The following NELL1 variants were observed in gnomAD, a reference collection of about 807,000 sequenced individuals.
The protein encoded by NELL1 is protein kinase C-binding protein NELL1.
A neutral mutation model predicts 107.4 loss-of-function variants in NELL1; 76 were observed. The observed-to-expected ratio is 0.71, with a 90% CI of 0.59 to 0.86. The LOEUF (loss-of-function observed/expected upper bound fraction) is 0.86, where lower values mean the gene tolerates loss of function less well. NELL1 is among the 40% of genes least tolerant of loss of function. NELL1 has a pLI of 0.00. For synonymous variants in NELL1, 353 were observed against 341.2 expected (o/e 1.03, Z -0.38); for missense variants, 1,024 against 1,005.5 (o/e 1.02, Z -0.25).
intron 14 of NELL1, among the ~76,000 whole-genome samples, chr11:21,309,553 T>C (rs536629009): frequency 6.6e-6 from 1 of 151,876 alleles, no homozygotes; most frequent in Non-Finnish European, 1.5e-5. Context: ...ACTAACTTAT[T>C]CTTCATTCCA....
chr11:20,945,783 G>C (rs1361816692), intron 10 of NELL1, among the ~76,000 whole-genome samples: 2 of 152,162 alleles, frequency 1.3e-5, no homozygotes, highest in African/African-American at 4.8e-5. Context: ...GCTAATTTTT[G>C]AGGTTAGATA....
intron 2 of NELL1, among the ~76,000 whole-genome samples, chr11:20,757,140 G>T (rs1856314235): frequency 2.7e-5 from 4 of 148,280 alleles, no homozygotes; most frequent in South Asian, 2.2e-4. Flanking sequence ...CTTTTCTCTG[G>T]CTTCATTTTC....
At chr11:21,239,687 C>T (rs1456043590) in intron 14 of NELL1, among the ~76,000 whole-genome samples, 2 of 152,010 alleles carry the variant, frequency 1.3e-5, no homozygotes, top group African/African-American at 4.8e-5. Context: ...TTTTTCTCCA[C>T]TTCTACACAT....
chr11:21,415,226 T>C (rs1852484616), intron 15 of NELL1, among the ~76,000 whole-genome samples: 1 of 152,060 alleles, frequency 6.6e-6, no homozygotes, highest in South Asian at 2.1e-4. Flanking sequence ...TAGCAACTTA[T>C]AAAAGAAAGA....
chr11:21,216,578 C>T (rs1359021198), intron 13 of NELL1, among the ~76,000 whole-genome samples: 1 of 152,174 alleles, frequency 6.6e-6, no homozygotes, highest in East Asian at 1.9e-4. Context: ...TCAGCATGCC[C>T]TGGATGTGAG....
chr11:21,511,380 A>G lies in NELL1; in HGVS notation c.1646-22994A>G, dbSNP rs780759745. ...CTCAGCAAGGGGTAAGTAATGCTCC[A>G]GAGAAGCGCCCTCCACTAAGCCTGC... On this transcript the variant is annotated intron_variant, in intron 15 of 19. Coordinates refer to ENST00000357134, the MANE Select transcript of NELL1 (RefSeq NM_006157.5). 5.6e-4 allele frequency among the ~76,000 whole-genome samples: 85 copies of G among 152,300 alleles called. No homozygotes were observed. The Middle Eastern group carries it at 0.01, about 18-fold the overall frequency.
At chr11:21,308,237 G>A (rs1849652139) in intron 14 of NELL1, among the ~76,000 whole-genome samples, 1 of 152,016 alleles carries the variant, frequency 6.6e-6, no homozygotes, top group Non-Finnish European at 1.5e-5. Context: ...ATAGTAGAAA[G>A]CTATTAAAGA....
intron 15 of NELL1, among the ~76,000 whole-genome samples, chr11:21,489,096 C>T (rs950752213): frequency 6.6e-6 from 1 of 151,720 alleles, no homozygotes; most frequent in Non-Finnish European, 1.5e-5. Context: ...AAAAAGGAGA[C>T]TTTACAAGTG....
intron 9 of NELL1, among the ~76,000 whole-genome samples, chr11:20,930,409 A>G (rs1300295035): frequency 6.6e-6 from 1 of 152,174 alleles, no homozygotes; most frequent in Non-Finnish European, 1.5e-5. Flanking sequence ...TTCTGCATAA[A>G]TGTCATTTTC....
intron 2 of NELL1, among the ~76,000 whole-genome samples, chr11:20,685,057 T>C (rs1854275668): frequency 1.3e-5 from 2 of 152,114 alleles, no homozygotes; most frequent in South Asian, 4.1e-4. Context: ...TGCTGCTATC[T>C]TCTCTTGTGT....
intron 15 of NELL1, among the ~76,000 whole-genome samples, chr11:21,380,090 G>A (rs948669751): frequency 6.6e-6 from 1 of 152,042 alleles, no homozygotes; most frequent in African/African-American, 2.4e-5. Flanking sequence ...TAGCAGACAG[G>A]AGAATTATTT....
chr11:21,148,310 A>T (rs1453994), intron 13 of NELL1, among the ~76,000 whole-genome samples: 20,351 of 152,204 alleles, frequency 0.13, 1,405 homozygotes, highest in Non-Finnish European at 0.16. Flanking sequence ...GAAATTGCAC[A>T]ACCTCACCTG....
chr11:21,459,054 G>A (rs1345598605), intron 15 of NELL1, among the ~76,000 whole-genome samples: 2 of 152,092 alleles, frequency 1.3e-5, no homozygotes, highest in South Asian at 4.1e-4. Flanking sequence ...GAAAATGGTG[G>A]ATGTGAGATT....
At chr11:20,831,617 G>T (rs1221739795) in intron 3 of NELL1, among the ~76,000 whole-genome samples, 1 of 152,140 alleles carries the variant, frequency 6.6e-6, no homozygotes, top group African/African-American at 2.4e-5. Context: ...GCTTTCTAGG[G>T]TTTTATTGAC....
chr11:21,206,366 A>T (rs1857390005), intron 13 of NELL1, among the ~76,000 whole-genome samples: 1 of 152,132 alleles, frequency 6.6e-6, no homozygotes, highest in Non-Finnish European at 1.5e-5. Context: ...TTTAGGGCCC[A>T]TACTAATCCC....
intron 15 of NELL1, chr11:21,383,958 A>G (rs569262330): frequency 2.6e-5 from 4 of 152,046 alleles, no homozygotes; most frequent in South Asian, 2.1e-4. Context: ...ATGGCAAACT[A>G]TAATCTTTCA....
intron 5 of NELL1, among the ~76,000 whole-genome samples, chr11:20,896,061 G>A (rs1849730897): frequency 6.6e-6 from 1 of 152,014 alleles, no homozygotes; most frequent in African/African-American, 2.4e-5. Context: ...GTGGTGATTT[G>A]TGAGATTTTT....
At chr11:21,080,752 A>T (rs542296783) in intron 12 of NELL1, among the ~76,000 whole-genome samples, 6 of 152,090 alleles carry the variant, frequency 3.9e-5, no homozygotes, top group Non-Finnish European at 8.8e-5. Flanking sequence ...ATTTTGATAG[A>T]TATTTCCAAC....
intron 12 of NELL1, among the ~76,000 whole-genome samples, chr11:21,084,198 T>C (rs547744597): frequency 6.6e-6 from 1 of 152,320 alleles, no homozygotes; most frequent in African/African-American, 2.4e-5. Context: ...TGATGCTATG[T>C]CCTGAGCTTC....
Sources: gnomAD v4.1 joint callset for allele counts (sites outside exome capture counted in the v4.1 genomes callset) on GRCh38, gnomAD v4.1.1 for gene constraint, MANE v1.5 for transcripts, NCBI Gene and HGNC (gene_info 2026-07-23, HGNC 2026-07-21) for gene names.